CTNNA2: variants seen among roughly 807,000 people sequenced by gnomAD.
CTNNA2 encodes catenin alpha 2, also known as catenin alpha-2.
CTNNA2 carries 42 observed loss-of-function variants against 101.0 expected under a neutral mutation model. The ratio of observed to expected loss-of-function variants is 0.42; its 90% CI spans 0.32 to 0.54. The LOEUF (loss-of-function observed/expected upper bound fraction) is 0.54. CTNNA2 is among the 20% of genes least tolerant of loss of function. The pLI is 0.14. For missense variants in CTNNA2, 871 were observed against 1,223.1 expected (o/e 0.71, Z 4.29); for synonymous variants, 450 against 456.4 (o/e 0.99, Z 0.18).
intron 7 of CTNNA2, among the ~76,000 whole-genome samples, chr2:79,944,813 C>A (rs1688387745): frequency 6.6e-6 from 1 of 152,080 alleles, no homozygotes. Flanking sequence ...ACACAGTGTC[C>A]TCCATACACA....
chr2:79,347,309 A>C (rs966392461), intron 3 of CTNNA2, among the ~76,000 whole-genome samples: 4 of 152,302 alleles, frequency 2.6e-5, no homozygotes, highest in African/African-American at 9.6e-5. Flanking sequence ...GGAAGAACCT[A>C]GGTTCACATT....
chr2:79,593,634 A>T (rs558206106), intron 1 of CTNNA2, among the ~76,000 whole-genome samples: 86 of 149,520 alleles, frequency 5.8e-4, no homozygotes, highest in African/African-American at 2.0e-3. Flanking sequence ...TCTCTATTTG[A>T]CTCTCTCTCT....
intron 3 of CTNNA2, among the ~76,000 whole-genome samples, chr2:79,361,529 G>T (rs895604060): frequency 4.6e-5 from 7 of 152,150 alleles, no homozygotes; most frequent in Non-Finnish European, 1.0e-4. Context: ...AATTAGGAGA[G>T]AAGTTAGCTG....
At chr2:79,721,080 A>C (rs1477719048) in intron 2 of CTNNA2, among the ~76,000 whole-genome samples, 1 of 150,854 alleles carries the variant, frequency 6.6e-6, no homozygotes, top group African/African-American at 2.4e-5. Flanking sequence ...AAATCACATC[A>C]TGCTTCTTGT....
intron 4 of CTNNA2, among the ~76,000 whole-genome samples, chr2:79,487,069 T>C (rs1305129167): frequency 6.6e-6 from 1 of 152,170 alleles, no homozygotes; most frequent in Non-Finnish European, 1.5e-5. Flanking sequence ...TACTAATGCT[T>C]TTTAAAAAAT....
chr2:80,301,205 T>C (rs1676276156), intron 7 of CTNNA2, among the ~76,000 whole-genome samples: 1 of 152,194 alleles, frequency 6.6e-6, no homozygotes, highest in Non-Finnish European at 1.5e-5. Flanking sequence ...AAACTAGGAA[T>C]GTGCTGTCAC....
At chr2:79,242,935 C>T (rs1324768322) in intron 2 of CTNNA2, among the ~76,000 whole-genome samples, 1 of 147,890 alleles carries the variant, frequency 6.8e-6, no homozygotes, top group African/African-American at 2.5e-5. Flanking sequence ...TCACTGTACT[C>T]CAGTCTGAGC....
At chr2:79,621,161 T>A (rs1678973439) in intron 1 of CTNNA2, among the ~76,000 whole-genome samples, 1 of 152,132 alleles carries the variant, frequency 6.6e-6, no homozygotes, top group African/African-American at 2.4e-5. Context: ...TTCACCCCAT[T>A]TTCGTAAAAC....
intron 14 of CTNNA2, among the ~76,000 whole-genome samples, chr2:80,584,049 A>G (rs1024337689): frequency 6.6e-6 from 1 of 152,114 alleles, no homozygotes; most frequent in Non-Finnish European, 1.5e-5. Context: ...CAAATCAGAG[A>G]CATGGAATTA....
At chr2:79,352,689 T>C (rs1024129312) in intron 3 of CTNNA2, among the ~76,000 whole-genome samples, 1 of 152,154 alleles carries the variant, frequency 6.6e-6, no homozygotes, top group Non-Finnish European at 1.5e-5. Context: ...GATAGTTAAT[T>C]TGAGATATTT....
At chr2:80,286,369 T>C (rs1402151819) in intron 7 of CTNNA2, among the ~76,000 whole-genome samples, 1 of 152,128 alleles carries the variant, frequency 6.6e-6, no homozygotes, top group Non-Finnish European at 1.5e-5. Flanking sequence ...ACTCTGTTCT[T>C]TGTATGATGA....
At chr2:80,002,419 A>G (rs913044195) in intron 7 of CTNNA2, among the ~76,000 whole-genome samples, 1 of 152,196 alleles carries the variant, frequency 6.6e-6, no homozygotes, top group African/African-American at 2.4e-5. Context: ...AGTTTGACCA[A>G]GTGGAAAATG....
chr2:80,209,594 T>TACACAC (rs1171224652), intron 7 of CTNNA2, among the ~76,000 whole-genome samples: 7 of 151,254 alleles, frequency 4.6e-5, no homozygotes, highest in African/African-American at 1.7e-4. Flanking sequence ...CTCATTCTCA[T>TACACAC]ACACACAGAC....
chr2:80,629,245 A>G (rs1013110560), intron 18 of CTNNA2, among the ~76,000 whole-genome samples: 3 of 152,150 alleles, frequency 2.0e-5, no homozygotes, highest in Non-Finnish European at 4.4e-5. Flanking sequence ...GCAACCAACG[A>G]ATCAAGGTCT....
At chr2:80,480,102 A>G (rs1179963088) in intron 9 of CTNNA2, among the ~76,000 whole-genome samples, 3 of 152,104 alleles carry the variant, frequency 2.0e-5, no homozygotes, top group African/African-American at 7.2e-5. Flanking sequence ...CATATGCCCA[A>G]TAAAAAATAA....
intron 3 of CTNNA2, among the ~76,000 whole-genome samples, chr2:79,314,715 C>G (rs1249642570): frequency 6.6e-6 from 1 of 152,184 alleles, no homozygotes; most frequent in Non-Finnish European, 1.5e-5. Flanking sequence ...CATTTTGGCT[C>G]AGTGTGATCA....
chr2:79,361,978 G>A (rs1677640890), intron 3 of CTNNA2, among the ~76,000 whole-genome samples: 1 of 152,028 alleles, frequency 6.6e-6, no homozygotes, highest in Non-Finnish European at 1.5e-5. Flanking sequence ...GACACACCCA[G>A]AATCAATACT....
chr2:80,472,381 T>G (rs988862563), intron 9 of CTNNA2, among the ~76,000 whole-genome samples: 7 of 151,940 alleles, frequency 4.6e-5, no homozygotes, highest in Non-Finnish European at 7.4e-5. Flanking sequence ...TGGAGGGAGG[T>G]CGTGGAGAAG....
intron 3 of CTNNA2, among the ~76,000 whole-genome samples, chr2:79,770,300 G>A (rs1673481484): frequency 6.6e-6 from 1 of 152,158 alleles, no homozygotes. Flanking sequence ...CTAACATTGT[G>A]CTATGTGTAT....
Sources: allele counts gnomAD v4.1 joint callset (sites outside exome capture counted in the v4.1 genomes callset), GRCh38; gene constraint gnomAD v4.1.1; transcripts MANE v1.5; gene names NCBI Gene and HGNC (gene_info 2026-07-23, HGNC 2026-07-21).